The following DNM1L variants were observed in gnomAD, a reference collection of about 807,000 sequenced individuals.
DNM1L encodes the protein dynamin 1L.
Under a neutral mutation model 92.8 loss-of-function variants are expected in DNM1L, and 33 were observed. That is an observed-to-expected ratio of 0.36 (90% confidence interval 0.27 to 0.48). The LOEUF (loss-of-function observed/expected upper bound fraction) is 0.48, where lower values mean the gene tolerates loss of function less well. Ranked by LOEUF, DNM1L falls within the 20% of genes least tolerant of loss-of-function variation. DNM1L has a pLI of 0.99. For synonymous variants in DNM1L, 284 were observed against 305.0 expected (o/e 0.93, Z 0.72); for missense variants, 485 against 888.8 (o/e 0.55, Z 5.78).
chr12:32,717,326 T>C (rs1953461392), intron 6 of DNM1L, among the ~76,000 whole-genome samples: 1 of 70,906 alleles, frequency 1.4e-5, no homozygotes, highest in East Asian at 3.0e-4. Flanking sequence ...ATATACACTA[T>C]ATATTTTATA....
rs367627379 is a variant in DNM1L, at chr12:32,737,916, G to C, written c.1648G>C (p.Ala550Pro). Residue 550 changes from alanine to proline, a missense_variant, in exon 15 of 20, where the codon GCT becomes CCT. Ala to Pro is a conservative substitution (Grantham distance 27). Coordinates refer to ENST00000549701, the MANE Select transcript of DNM1L (RefSeq NM_012062.5). Reference sequence around the variant, plus strand: ...ACCTGCCTCCCAGGAGCCCTCCCCCGCTGCTTCTGCTGAGGCTGATGGCAA... The same window carrying C: ...ACCTGCCTCCCAGGAGCCCTCCCCCCCTGCTTCTGCTGAGGCTGATGGCAA... ...LAPASQEPSPAASAEADGKLI... is the reference protein window; with the variant it reads ...LAPASQEPSPPASAEADGKLI... 7 of 1,613,670 alleles carry C rather than the reference G, an allele frequency of 4.3e-6. No individual in the cohort carries two copies. The South Asian group carries it at 6.6e-5, about 15-fold the overall frequency.
At chr12:32,692,126 TTTTTTC>T (rs563410444) in intron 1 of DNM1L, among the ~76,000 whole-genome samples, 123 of 152,252 alleles carry the variant, frequency 8.1e-4, no homozygotes, top group African/African-American at 2.8e-3. Flanking sequence ...CATTTTCTCT[TTTTTTC>T]TTTTTGGGTG....
rs748236508 is a variant in DNM1L at position 32,737,849 on chromosome 12, G to A, written c.1597-16G>A. The stretch of plus-strand genomic sequence containing the variant: ...CATCCTTGATTTTTTTTCCCCCCTG[G>A]ATTTTTTGCCTTTAGTCTTCTAAAG... On this transcript the variant is annotated splice_polypyrimidine_tract_variant and intron_variant, in intron 14 of 19. Transcript: ENST00000549701. The A allele has an allele frequency of 2.5e-6, 4 of 1,612,618 alleles. No individual in the cohort carries two copies. Among genetic ancestry groups the A allele is most frequent in the Non-Finnish European group, 2.5e-6 (3 of 1,178,996 alleles).
chr12:32,737,737 A>G (rs919151663), intron 14 of DNM1L, 128 bp from the exon 15 acceptor site: 6 of 760,278 alleles, frequency 7.9e-6, no homozygotes, highest in Non-Finnish European at 1.4e-5. Flanking sequence ...ACAATCTCCC[A>G]TGATTATTTT....
At chr12:32,708,428 C>T (rs1021509045) in intron 4 of DNM1L, among the ~76,000 whole-genome samples, 16 of 152,156 alleles carry the variant, frequency 1.1e-4, no homozygotes, top group African/African-American at 3.9e-4. Context: ...GCTTAAAATC[C>T]CTTTTCTTTC....
At chr12:32,700,784 C>T (rs1269010968) in intron 1 of DNM1L, among the ~76,000 whole-genome samples, 1 of 151,968 alleles carries the variant, frequency 6.6e-6, no homozygotes, top group Non-Finnish European at 1.5e-5. Flanking sequence ...AAAAGATATG[C>T]ATTACTGTCC....
intron 2 of DNM1L, among the ~76,000 whole-genome samples, chr12:32,706,264 C>T (rs1565506346): frequency 1.3e-5 from 2 of 152,112 alleles, no homozygotes; most frequent in Non-Finnish European, 2.9e-5. Flanking sequence ...CAAAAAGGAT[C>T]CGGTTTTATT....
chr12:32,717,198 TTTA>T (rs1423471770), intron 6 of DNM1L, among the ~76,000 whole-genome samples: 51 of 117,610 alleles, frequency 4.3e-4, no homozygotes, highest in South Asian at 2.3e-3. Context: ...ACTATATATA[TTTA>T]TATATACTAT....
intron 9 of DNM1L, among the ~76,000 whole-genome samples, chr12:32,724,610 ATATATATAT>A (rs1209282192): frequency 3.1e-4 from 45 of 142,982 alleles, no homozygotes; most frequent in African/African-American, 9.4e-4. Flanking sequence ...ATATATATAT[ATATATATAT>A]AAATTATATT....
At chr12:32,735,447 C>T (rs1954806135) in intron 13 of DNM1L, among the ~76,000 whole-genome samples, 1 of 152,140 alleles carries the variant, frequency 6.6e-6, no homozygotes, top group African/African-American at 2.4e-5. Flanking sequence ...TCAAAATGTA[C>T]ATTTTATCAT....
intron 1 of DNM1L, among the ~76,000 whole-genome samples, chr12:32,690,247 G>C (rs577737336): frequency 3.0e-4 from 45 of 152,326 alleles, no homozygotes; most frequent in African/African-American, 1.1e-3. Flanking sequence ...GTCTGTGTGT[G>C]TTGACACATA....
intron 7 of DNM1L, among the ~76,000 whole-genome samples, chr12:32,720,206 G>C (rs1012949403): frequency 1.3e-5 from 2 of 152,092 alleles, no homozygotes; most frequent in African/African-American, 4.8e-5. Flanking sequence ...TTCAGGTAAG[G>C]AGGTGGCCTA....
chr12:32,685,130 G>T (rs1180749576), intron 1 of DNM1L, among the ~76,000 whole-genome samples: 2 of 151,568 alleles, frequency 1.3e-5, no homozygotes, highest in African/African-American at 4.8e-5. Flanking sequence ...GTAGAGACAG[G>T]GTTTCACCGT....
intron 9 of DNM1L, chr12:32,726,753 T>C (rs982478798): frequency 3.9e-5 from 24 of 617,646 alleles, no homozygotes; most frequent in Middle Eastern, 4.5e-4. Context: ...CAAAATGACA[T>C]TCTTTCCTTT....
At position 32,738,250 on chromosome 12, in the gene DNM1L, A is replaced by AT; in HGVS notation, c.1675-13dup. 1.2e-6 allele frequency: 2 copies of AT among 1,613,494 alleles called. No homozygotes were observed. The highest frequency in any genetic ancestry group is 1.7e-6 in the Non-Finnish European group (2 of 1,179,676). On this transcript the variant is annotated splice_polypyrimidine_tract_variant and intron_variant, in intron 15 of 19. Transcript: ENST00000549701. The stretch of plus-strand genomic sequence containing the variant: ...TGCTTGTTAAATTGCATGTTTTAAC[A>AT]TATCTTTTAACAGTTAATTCAGGAC...
chr12:32,690,142 T>C (rs1394164957), intron 1 of DNM1L, among the ~76,000 whole-genome samples: 4 of 152,202 alleles, frequency 2.6e-5, no homozygotes, highest in African/African-American at 9.7e-5. Flanking sequence ...GAAAAAGCAC[T>C]GATAGAACCA....
chr12:32,731,602 G>T lies in DNM1L; in HGVS notation c.1356+91G>T, dbSNP rs1017317775. The T allele has an allele frequency of 6.6e-7, 1 of 1,514,626 alleles. No individual in the cohort carries two copies. The highest frequency in any genetic ancestry group is 1.1e-5 in the South Asian group (1 of 87,258). 93.8% of individuals were successfully genotyped at this position (1,514,626 alleles called of 1,614,324 possible). ...GGGTGGAAGGAAATGTATAAGATGGGATACAAGGTAAAATCTGTAGTTCCC... is the reference window on the plus strand; with the variant it reads ...GGGTGGAAGGAAATGTATAAGATGGTATACAAGGTAAAATCTGTAGTTCCC... On this transcript the variant is annotated intron_variant, in intron 11 of 19. Transcript: ENST00000549701. This position sits in a 1 kb window ranked among gnomAD's most constrained non-coding sequence, Gnocchi z 5.1.
At position 32,736,602 on chromosome 12, in the gene DNM1L, T is replaced by C. The variant is rs186801503; in HGVS notation, c.1540-503T>C. On this transcript the variant is annotated intron_variant, in intron 13 of 19. Coordinates refer to ENST00000549701, the MANE Select transcript of DNM1L (RefSeq NM_012062.5). ...AATGGAACATTTTTATAGGATAACCTCAACCACAGATACTTCTTCAAGATA... is the reference window on the plus strand; with the variant it reads ...AATGGAACATTTTTATAGGATAACCCCAACCACAGATACTTCTTCAAGATA... Among the ~76,000 whole-genome samples, 3 of 152,364 alleles carry C rather than the reference T, an allele frequency of 2.0e-5. No homozygotes were observed. In the East Asian group the frequency reaches 5.8e-4, roughly 29 times the overall value.
chr12:32,733,606 T>A (rs1011709510), intron 12 of DNM1L, 109 bp from the exon 13 acceptor site: 3 of 854,456 alleles, frequency 3.5e-6, no homozygotes, highest in Non-Finnish European at 5.9e-6. Flanking sequence ...GGCATAAGTT[T>A]CCTGTACTTT....
Sources: gnomAD v4.1 joint callset for allele counts (sites outside exome capture counted in the v4.1 genomes callset) on GRCh38, gnomAD v4.1.1 for gene constraint, Gnocchi (gnomAD v3.1) non-coding constraint, MANE v1.5 for transcripts, NCBI Gene and HGNC (gene_info 2026-07-23, HGNC 2026-07-21) for gene names.